The following AGMO variants were observed in gnomAD, a reference collection of about 807,000 sequenced individuals.
The protein encoded by AGMO is alkylglycerol monooxygenase, also known as glyceryl-ether monooxygenase.
A neutral mutation model predicts 60.2 loss-of-function variants in AGMO; 75 were observed. The observed-to-expected ratio is 1.25, with a 90% confidence interval of 1.03 to 1.51. The LOEUF is 1.51. Among genes scored for constraint, AGMO ranks in the 40% most tolerant of loss-of-function variants. The probability of loss-of-function intolerance (pLI) is 0.00; values close to 1 mark genes in which losing one functional copy is unlikely to be tolerated. For missense variants in AGMO, 763 were observed against 525.5 expected (o/e 1.45, Z -4.42); for synonymous variants, 261 against 177.1 (o/e 1.47, Z -3.76).
chr7:15,137,833 A>C, the AGMO span, among the ~76,000 whole-genome samples: 1 of 152,166 alleles, frequency 6.6e-6, no homozygotes, highest in Admixed American at 6.5e-5. Flanking sequence ...GAGCAGAATC[A>C]TAGGTTAAGG....
At chr7:15,427,545 A>G (rs1471909586) in intron 4 of AGMO, among the ~76,000 whole-genome samples, 2 of 152,158 alleles carry the variant, frequency 1.3e-5, no homozygotes, top group African/African-American at 4.8e-5. Flanking sequence ...TTTCTTTTTC[A>G]CGCACTTTAG....
At chr7:15,117,532 A>C in the AGMO span, among the ~76,000 whole-genome samples, 1 of 151,926 alleles carries the variant, frequency 6.6e-6, no homozygotes, top group Admixed American at 6.6e-5. Flanking sequence ...TTTTGAGGGA[A>C]GGAGGGGAGT....
intron 3 of AGMO, among the ~76,000 whole-genome samples, chr7:15,533,411 T>C (rs1784415489): frequency 6.6e-6 from 1 of 152,166 alleles, no homozygotes; most frequent in Non-Finnish European, 1.5e-5. Flanking sequence ...TAAATTATGA[T>C]TGCCTGTACT....
intron 12 of AGMO, among the ~76,000 whole-genome samples, chr7:15,238,238 CGT>C (rs1007532574): frequency 2.0e-5 from 3 of 151,846 alleles, no homozygotes; most frequent in Admixed American, 1.3e-4. Context: ...AATACACACA[CGT>C]GTGTGTATTT....
At chr7:15,367,398 CTTTAAT>C (rs1783029677) in intron 10 of AGMO, among the ~76,000 whole-genome samples, 1 of 151,852 alleles carries the variant, frequency 6.6e-6, no homozygotes, top group Non-Finnish European at 1.5e-5. Context: ...GTTTCTTGTA[CTTTAAT>C]TTTGTTACAT....
chr7:15,356,023 A>C (rs986673309), intron 12 of AGMO, among the ~76,000 whole-genome samples: 1 of 152,238 alleles, frequency 6.6e-6, no homozygotes, highest in Non-Finnish European at 1.5e-5. Context: ...TTAGAAATAC[A>C]ATCAGATACT....
chr7:15,479,542 G>T (rs532928475), intron 3 of AGMO, among the ~76,000 whole-genome samples: 1 of 151,998 alleles, frequency 6.6e-6, no homozygotes, highest in Non-Finnish European at 1.5e-5. Context: ...TATGTAAATC[G>T]TTCAAATTTG....
intron 12 of AGMO, among the ~76,000 whole-genome samples, chr7:15,257,451 G>T (rs992359278): frequency 1.1e-4 from 16 of 152,040 alleles, no homozygotes; most frequent in African/African-American, 3.9e-4. Flanking sequence ...TATTGATATT[G>T]CATTGACATT....
At chr7:15,364,330 A>G (rs1258662842) in intron 12 of AGMO, among the ~76,000 whole-genome samples, 5 of 152,038 alleles carry the variant, frequency 3.3e-5, no homozygotes, top group Non-Finnish European at 5.9e-5. Context: ...ATATATTTAT[A>G]TACCGATATC....
chr7:15,320,773 C>G (rs1417910325), intron 12 of AGMO, among the ~76,000 whole-genome samples: 2 of 152,042 alleles, frequency 1.3e-5, no homozygotes, highest in Non-Finnish European at 2.9e-5. Context: ...TTGAAAGTAT[C>G]TACAAATTAG....
chr7:15,408,081 T>C lies in AGMO; in HGVS notation c.609+10477A>G, dbSNP rs1358119996. Among the ~76,000 whole-genome samples, 4 of 151,848 alleles carry C rather than the reference T, an allele frequency of 2.6e-5. No homozygotes were observed. In the East Asian group the frequency reaches 7.7e-4, roughly 29 times the overall value. ...AATTGGGTTGCGTCATGAAGAATGT[T>C]TTAAAAAAGGTTATCACAGAGAGAA... On this transcript the variant is annotated intron_variant, in intron 5 of 12. Transcript: ENST00000342526.
chr7:15,477,361 A>C (rs1782623683), intron 3 of AGMO, among the ~76,000 whole-genome samples: 1 of 152,138 alleles, frequency 6.6e-6, no homozygotes, highest in East Asian at 1.9e-4. Flanking sequence ...AAATGCTTTC[A>C]TCAAATACTT....
chr7:15,418,097 C>A lies in AGMO; in HGVS notation c.609+461G>T, dbSNP rs1212742870. Among the ~76,000 whole-genome samples the A allele has an allele frequency of 3.9e-5, 6 of 152,050 alleles. No homozygotes were observed. In the East Asian group the frequency reaches 1.2e-3, roughly 29 times the overall value. ...AACAATTTTAAATAAAATTTAATCT[C>A]TGTAGTTAGAGCAAGTTTTCCAATC... On this transcript the variant is annotated intron_variant, in intron 5 of 12. Transcript: ENST00000342526.
chr7:15,525,619 T>C (rs1222231846), intron 3 of AGMO, among the ~76,000 whole-genome samples: 1 of 152,082 alleles, frequency 6.6e-6, no homozygotes, highest in Non-Finnish European at 1.5e-5. Flanking sequence ...TCATTCTTCT[T>C]GGATGCAGGA....
chr7:15,155,429 T>C, the AGMO span, among the ~76,000 whole-genome samples: 1 of 137,930 alleles, frequency 7.3e-6, no homozygotes, highest in African/African-American at 2.8e-5. Context: ...CTTTTTTTTT[T>C]TTTTTTTTTT....
At chr7:15,133,708 C>G in the AGMO span, among the ~76,000 whole-genome samples, 2 of 152,076 alleles carry the variant, frequency 1.3e-5, no homozygotes, top group African/African-American at 2.4e-5. Flanking sequence ...CCTATAATCC[C>G]AAAAACTAAA....
intron 12 of AGMO, among the ~76,000 whole-genome samples, chr7:15,273,297 T>C (rs1783672766): frequency 6.6e-6 from 1 of 152,160 alleles, no homozygotes; most frequent in Non-Finnish European, 1.5e-5. Context: ...CTTGAATTAA[T>C]TTCTGCATAA....
At position 15,262,533 on chromosome 7, in the gene AGMO, T is replaced by A. The variant is rs180983677; in HGVS notation, c.1264-61174A>T. Among the ~76,000 whole-genome samples the A allele has an allele frequency of 3.6e-3, 550 of 152,100 alleles. 1 individual carries two copies. The highest frequency in any genetic ancestry group is 8.1e-3 in the Admixed American group (123 of 15,276). On this transcript the variant is annotated intron_variant, in intron 12 of 12. Coordinates refer to ENST00000342526, the MANE Select transcript of AGMO (RefSeq NM_001004320.2). ...AGAATCAATATTTTGAAAATGACCA[T>A]ACTGCCAATAGCAGTCTACAAACTG...
chr7:15,535,674 G>GGT (rs1784468147), intron 3 of AGMO, among the ~76,000 whole-genome samples: 2 of 151,874 alleles, frequency 1.3e-5, no homozygotes, highest in African/African-American at 4.8e-5. Context: ...GTACATACTA[G>GGT]GTGTATATAT....
Sources: allele counts gnomAD v4.1 joint callset (sites outside exome capture counted in the v4.1 genomes callset), GRCh38; gene constraint gnomAD v4.1.1; transcripts MANE v1.5; gene names NCBI Gene and HGNC (gene_info 2026-07-23, HGNC 2026-07-21).